Variants in LTA4H observed in about 807,000 individuals in gnomAD.
The protein encoded by LTA4H is leukotriene A-4 hydrolase.
A neutral mutation model predicts 89.8 loss-of-function variants in LTA4H; 59 were observed. The observed-to-expected ratio is 0.66, with a 90% confidence interval of 0.53 to 0.82. LTA4H has a LOEUF of 0.82. Ranked by LOEUF, LTA4H falls within the 40% of genes least tolerant of loss-of-function variation. The pLI, the probability that LTA4H is intolerant of heterozygous loss-of-function variation, is 0.00. For synonymous variants in LTA4H, 227 were observed against 253.1 expected, an observed-to-expected ratio of 0.90 and a Z score of 0.98; for missense variants, 617 against 727.0, an observed-to-expected ratio of 0.85 and a Z score of 1.74.
At position 96,019,259 on chromosome 12, in the gene LTA4H, T is replaced by C. The variant is rs1566011064; in HGVS notation, c.639-19A>G. The C allele has an allele frequency of 1.3e-6, 2 of 1,596,652 alleles. No homozygotes were observed. The highest frequency in any genetic ancestry group is 1.7e-6 in the Non-Finnish European group (2 of 1,172,058). On this transcript the variant is annotated intron_variant, in intron 6 of 18. Transcript: ENST00000228740. ...AATTTGCCTGCAAGATTAAAAAGCT[T>C]AATAAAAAAGAAATTCATGGCAAAT...
At chr12:96,043,349 T>C (rs1407187286) in exon 1 of LTA4H, 5 of 1,535,166 alleles carry the variant, frequency 3.3e-6, no homozygotes, top group African/African-American at 1.4e-5. Context: ...GTACTTGTCT[T>C]TTAGAAAGAT....
intron 3 of LTA4H, chr12:96,025,441 C>G (rs539420808): frequency 6.6e-6 from 1 of 152,334 alleles, no homozygotes; most frequent in Non-Finnish European, 1.5e-5. Context: ...GGAGAAAGAA[C>G]AGTCTCTTTC....
At chr12:96,010,342 A>C (rs1161595705) in intron 14 of LTA4H, 1 of 152,216 alleles carries the variant, frequency 6.6e-6, no homozygotes, top group Non-Finnish European at 1.5e-5. Flanking sequence ...GCGAAGAGGA[A>C]ATACTTTAAT....
intron 1 of LTA4H, among the ~76,000 whole-genome samples, chr12:96,034,103 C>T (rs1005852100): frequency 2.0e-5 from 3 of 152,172 alleles, no homozygotes; most frequent in African/African-American, 7.2e-5. Flanking sequence ...AAATTCAGAT[C>T]CTTCCTACAC....
In LTA4H at chr12:96,017,551, A is replaced by G. The variant is rs772788210; in HGVS notation, c.876+6T>C. On this transcript the variant is annotated splice_donor_region_variant and intron_variant, in intron 9 of 18. Coordinates refer to ENST00000228740, the MANE Select transcript of LTA4H (RefSeq NM_000895.3). ...GGTAAGGCCATAATGAAAAAGTTTA[A>G]CTTACATTGGAGAGTGACTTGTCGC... 3.1e-6 allele frequency: 5 copies of G among 1,609,158 alleles called. No homozygotes were observed. In the South Asian group the frequency reaches 4.4e-5, roughly 14 times the overall value.
At chr12:96,002,889 C>T (rs545593310) in intron 18 of LTA4H, 71 bp downstream of exon 18, 57 of 1,004,282 alleles carry the variant, frequency 5.7e-5, no homozygotes, top group South Asian at 5.1e-4. Context: ...ATATAGATTA[C>T]GTTTAAATAT....
chr12:96,017,152 T>C, intron 9 of LTA4H, 38 bp from the exon 10 acceptor site: 1 of 1,393,342 alleles, frequency 7.2e-7, no homozygotes, highest in South Asian at 1.2e-5. Flanking sequence ...AGACTGATTA[T>C]CTTAACCTAA....
At chr12:96,003,586 C>T (rs1157064451) in intron 17 of LTA4H, 2 of 275,984 alleles carry the variant, frequency 7.2e-6, no homozygotes, top group East Asian at 6.4e-5. Flanking sequence ...CGGAATCCTT[C>T]ATTCTAATTT....
intron 18 of LTA4H, among the ~76,000 whole-genome samples, chr12:96,001,808 A>T (rs1391978399): frequency 6.6e-6 from 1 of 152,050 alleles, no homozygotes; most frequent in Non-Finnish European, 1.5e-5. Context: ...ATAAAACAGA[A>T]ATACTTATTT....
chr12:96,019,911 T>G lies in LTA4H; in HGVS notation c.639-671A>C, dbSNP rs1306096419. 2.6e-5 allele frequency among the ~76,000 whole-genome samples: 4 copies of G among 151,112 alleles called. No individual in the cohort carries two copies. In the East Asian group the frequency reaches 5.8e-4, roughly 22 times the overall value. The stretch of plus-strand genomic sequence containing the variant: ...CACCACGCCCAGCGTTTTTTTTTTT[T>G]TTTTTTTTAAATATACAGGGTCTCA... On this transcript the variant is annotated intron_variant, in intron 6 of 18. Transcript: ENST00000228740.
chr12:96,006,332 T>G lies in LTA4H; in HGVS notation c.1512A>C (p.Leu504Phe), dbSNP rs1486796277. Reference sequence around the variant, plus strand: ...TACTTACCCTCTGGAGCGTCTGTGCTAAAAACTCATTCAATTGATGAGAAG... The same window carrying G: ...TACTTACCCTCTGGAGCGTCTGTGCGAAAAACTCATTCAATTGATGAGAAG... ...DLSSHQLNEF[L>F]AQTLQRAPLP... is the part of the protein sequence containing the mutation. Residue 504 changes from leucine (L) to phenylalanine (F), a missense_variant, in exon 16 of 19, where the codon TTA becomes TTC. Physicochemically the swap from Leu to Phe is conservative, Grantham distance 22. This residue lies in a region of LTA4H where 290 missense variants were observed against 339.1 expected (regional missense o/e 0.86). Transcript: ENST00000228740. The G allele has an allele frequency of 1.1e-5, 17 of 1,610,298 alleles. No homozygotes were observed. The highest frequency in any genetic ancestry group is 1.4e-5 in the Non-Finnish European group (17 of 1,177,724).
intron 1 of LTA4H, among the ~76,000 whole-genome samples, chr12:96,043,067 CCTAT>C (rs1950700158): frequency 6.6e-6 from 1 of 152,194 alleles, no homozygotes; most frequent in Non-Finnish European, 1.5e-5. Context: ...TTCACATCAG[CCTAT>C]CTCACAACTC....
chr12:96,028,810 C>T (rs1450068065), intron 2 of LTA4H, among the ~76,000 whole-genome samples: 1 of 152,100 alleles, frequency 6.6e-6, no homozygotes, highest in African/African-American at 2.4e-5. Flanking sequence ...AAGGATGAAT[C>T]GTTTAGAAAC....
intron 15 of LTA4H, among the ~76,000 whole-genome samples, chr12:96,008,808 A>C (rs1219096230): frequency 6.6e-6 from 1 of 151,976 alleles, no homozygotes; most frequent in Non-Finnish European, 1.5e-5. Context: ...AGTCCCAGTT[A>C]CTCGGGAGGC....
chr12:96,014,784 T>C, intron 12 of LTA4H, 71 bp downstream of exon 12: 1 of 1,399,258 alleles, frequency 7.1e-7, no homozygotes, highest in Non-Finnish European at 9.8e-7. Context: ...AAAACAATAG[T>C]TTACAATTCT....
chr12:96,007,702 T>G (rs1050551791), intron 15 of LTA4H, among the ~76,000 whole-genome samples: 4 of 152,238 alleles, frequency 2.6e-5, no homozygotes, highest in African/African-American at 9.6e-5. Context: ...ATTATCCACC[T>G]TAACTGCTGG....
Position 96,003,977 on chromosome 12 carries a change from A to T in LTA4H, c.1531-57T>A. 2.9e-6 allele frequency: 3 copies of T among 1,020,934 alleles called. No individual in the cohort carries two copies. The South Asian group carries it at 4.6e-5, about 15-fold the overall frequency. The allele number at this position is 1,020,934 out of a possible 1,614,324, so 63.2% of individuals were successfully genotyped here. Reference sequence around the variant, plus strand: ...ATTTCAACAGGATTCCTTGGAAGAAAGGAGCTGGAGAGAAATGCATAGCCA... The same window carrying T: ...ATTTCAACAGGATTCCTTGGAAGAATGGAGCTGGAGAGAAATGCATAGCCA... On this transcript the variant is annotated intron_variant, in intron 16 of 18. Coordinates refer to ENST00000228740, the MANE Select transcript of LTA4H (RefSeq NM_000895.3).
chr12:96,015,808 C>A, intron 10 of LTA4H, 114 bp from the exon 11 acceptor site: 1 of 697,308 alleles, frequency 1.4e-6, no homozygotes, highest in South Asian at 1.8e-5. Flanking sequence ...TAAGGCATGA[C>A]CACTACAGTC....
intron 1 of LTA4H, among the ~76,000 whole-genome samples, chr12:96,042,735 A>G (rs944053305): frequency 6.6e-6 from 1 of 152,168 alleles, no homozygotes; most frequent in African/African-American, 2.4e-5. Flanking sequence ...CTCCTTAGAA[A>G]AAAATAAAGG....
Sources: gnomAD v4.1 joint callset for allele counts (sites outside exome capture counted in the v4.1 genomes callset) on GRCh38, gnomAD v4.1.1 for gene constraint, gnomAD v4.1.1 regional missense constraint, MANE v1.5 for transcripts, NCBI Gene and HGNC (gene_info 2026-07-23, HGNC 2026-07-21) for gene names.